The following DYDC2 variants were observed in gnomAD, a reference collection of about 807,000 sequenced individuals.
The protein encoded by DYDC2 is DPY30 domain-containing protein 2.
A neutral mutation model predicts 18.7 loss-of-function variants in DYDC2; 19 were observed. That is an observed-to-expected ratio of 1.02 (90% CI 0.71 to 1.49). The LOEUF (loss-of-function observed/expected upper bound fraction) is 1.49. Among genes scored for constraint, DYDC2 ranks in the 40% most tolerant of loss-of-function variants. The pLI, the probability that DYDC2 is intolerant of heterozygous loss-of-function variation, is 0.00. For missense variants in DYDC2, 179 were observed against 205.1 expected, an observed-to-expected ratio of 0.87 and a Z score of 0.78; for synonymous variants, 63 against 67.6, an observed-to-expected ratio of 0.93 and a Z score of 0.34.
At chr10:80,356,271 C>T (rs1843362558), upstream of DYDC2, 3 of 985,458 alleles carry the variant, frequency 3.0e-6, no homozygotes, top group Non-Finnish European at 3.6e-6. Flanking sequence ...CATCTTGGCT[C>T]AACATAAGAA....
chr10:80,345,162 A>G (rs1357584882), intron 1 of DYDC2, among the ~76,000 whole-genome samples: 1 of 152,232 alleles, frequency 6.6e-6, no homozygotes, highest in Non-Finnish European at 1.5e-5. Flanking sequence ...CAGTGTCAAC[A>G]GTGACCTTCA....
chr10:80,348,257 G>T (rs1842785627), intron 1 of DYDC2, among the ~76,000 whole-genome samples: 1 of 152,172 alleles, frequency 6.6e-6, no homozygotes. Context: ...TTTCGAGTAA[G>T]TTATTGGTAA....
intron 2 of DYDC2, among the ~76,000 whole-genome samples, chr10:80,359,569 TC>T (rs1196583572): frequency 3.3e-5 from 5 of 152,096 alleles, no homozygotes; most frequent in African/African-American, 1.2e-4. Flanking sequence ...TCAGGGAGGC[TC>T]CGACAGCACA....
Position 80,367,128 on chromosome 10 carries a change from A to G in DYDC2, c.*177A>G. ...ATTTGAACTAGTTATAGGATAAAATAAACTCAGAATAAGGATTTAAAATAA... is the reference window on the plus strand; with the variant it reads ...ATTTGAACTAGTTATAGGATAAAATGAACTCAGAATAAGGATTTAAAATAA... On this transcript the variant is annotated 3_prime_UTR_variant, in exon 5 of 5. Coordinates refer to ENST00000256039, the MANE Select transcript of DYDC2 (RefSeq NM_032372.6). 1.4e-6 allele frequency: 1 copy of G among 716,576 alleles called. No homozygotes were observed. Among genetic ancestry groups the G allele is most frequent in the South Asian group, 2.2e-5 (1 of 45,192 alleles). The allele number at this position is 716,576 out of a possible 1,614,324, so 44.4% of individuals were successfully genotyped here.
chr10:80,363,511 A>AGTTT lies in DYDC2; in HGVS notation c.270+438_270+439insGTTT, dbSNP rs35505876. Among the ~76,000 whole-genome samples the AGTTT allele has an allele frequency of 8.5e-5, 12 of 140,434 alleles. 1 individual carries two copies. Among genetic ancestry groups the AGTTT allele is most frequent in the Non-Finnish European group, 9.2e-5 (6 of 65,048 alleles). The allele number at this position is 140,434 out of a possible 152,430, so 92.1% of individuals were successfully genotyped here. On this transcript the variant is annotated intron_variant, in intron 4 of 4. Coordinates refer to ENST00000256039, the MANE Select transcript of DYDC2 (RefSeq NM_032372.6). ...AGGCACATGCCACCACGCCCGGCTA[A>AGTTT]TTTTTTTTTTTTTTTTTTAGTAGAG...
chr10:80,354,131 T>A (rs369191797), upstream of DYDC2, among the ~76,000 whole-genome samples: 602 of 129,458 alleles, frequency 4.7e-3, 3 homozygotes, highest in Non-Finnish European at 8.0e-3. Context: ...TAAAAAAAAA[T>A]ATATATATAT....
intron 1 of DYDC2, among the ~76,000 whole-genome samples, chr10:80,357,302 G>C (rs1843445464): frequency 6.6e-6 from 1 of 152,048 alleles, no homozygotes; most frequent in South Asian, 2.1e-4. Context: ...CACGCGGGAC[G>C]GGCGTGTGCT....
rs11202680 is a variant in DYDC2 at position 80,363,886 on chromosome 10, A to C, written c.270+813A>C. Among the ~76,000 whole-genome samples, 707 of 152,346 alleles carry C rather than the reference A, an allele frequency of 4.6e-3. 2 individuals are homozygous for C. The highest frequency in any genetic ancestry group is 0.016 in the African/African-American group (679 of 41,578). On this transcript the variant is annotated intron_variant, in intron 4 of 4. Transcript: ENST00000256039. ...GTTATAATATTAGATGTAAGTTATT[A>C]AGCTGGAATAGCCGAAGACAACTCT...
At chr10:80,358,475 C>T (rs1320164140) in intron 2 of DYDC2, among the ~76,000 whole-genome samples, 5 of 152,274 alleles carry the variant, frequency 3.3e-5, no homozygotes, top group South Asian at 4.1e-4. Flanking sequence ...CATATTTTAG[C>T]GACTGTTGGG....
At chr10:80,352,949 T>G (rs928053412), upstream of DYDC2, among the ~76,000 whole-genome samples, 3 of 152,128 alleles carry the variant, frequency 2.0e-5, no homozygotes, top group African/African-American at 7.2e-5. Flanking sequence ...AAAATGGGTA[T>G]CATCATCCCA....
At chr10:80,353,579 C>A (rs1843141086), upstream of DYDC2, among the ~76,000 whole-genome samples, 2 of 151,638 alleles carry the variant, frequency 1.3e-5, no homozygotes, top group Admixed American at 1.3e-4. Flanking sequence ...CGGCTGGGCA[C>A]AGTGGCTCAC....
intron 4 of DYDC2, among the ~76,000 whole-genome samples, chr10:80,364,675 G>C (rs1843772596): frequency 6.6e-6 from 1 of 152,128 alleles, no homozygotes; most frequent in African/African-American, 2.4e-5. Context: ...AGTTGTAAGG[G>C]AAGATGGGAA....
At chr10:80,345,259 G>A (rs1472201301) in intron 1 of DYDC2, among the ~76,000 whole-genome samples, 1 of 152,182 alleles carries the variant, frequency 6.6e-6, no homozygotes, top group African/African-American at 2.4e-5. Context: ...CCACACAGCA[G>A]TTCCATGGCT....
At chr10:80,358,840 C>T (rs559913110) in intron 2 of DYDC2, among the ~76,000 whole-genome samples, 11 of 152,228 alleles carry the variant, frequency 7.2e-5, no homozygotes, top group Admixed American at 2.0e-4. Context: ...TTCTTAAAGG[C>T]GGCGTGTCCA....
At chr10:80,358,723 C>G (rs557613363) in intron 2 of DYDC2, among the ~76,000 whole-genome samples, 1 of 152,254 alleles carries the variant, frequency 6.6e-6, no homozygotes, top group East Asian at 1.9e-4. Flanking sequence ...TGTGGTGGGA[C>G]CTGAGATTCT....
At chr10:80,357,422 C>T (rs1843452141) in intron 1 of DYDC2, among the ~76,000 whole-genome samples, 1 of 152,026 alleles carries the variant, frequency 6.6e-6, no homozygotes, top group African/African-American at 2.4e-5. Flanking sequence ...AGCAAGGGAC[C>T]CTGACTGGCA....
upstream of DYDC2, chr10:80,356,619 G>A: frequency 1.0e-6 from 1 of 985,526 alleles, no homozygotes; most frequent in Non-Finnish European, 1.2e-6. Context: ...CGACGCCCAA[G>A]GCCCAACGGT....
chr10:80,356,146 C>A, upstream of DYDC2: 1 of 697,744 alleles, frequency 1.4e-6, no homozygotes, highest in Non-Finnish European at 1.8e-6. Context: ...CTGGGCATAT[C>A]AGTGGGACCC....
At chr10:80,354,126 A>T (rs1843187967), upstream of DYDC2, among the ~76,000 whole-genome samples, 1 of 147,134 alleles carries the variant, frequency 6.8e-6, no homozygotes, top group Non-Finnish European at 1.5e-5. Context: ...ATATATAAAA[A>T]AAAATATATA....
Sources: gnomAD v4.1 joint callset for allele counts (sites outside exome capture counted in the v4.1 genomes callset) on GRCh38, gnomAD v4.1.1 for gene constraint, MANE v1.5 for transcripts, NCBI Gene and HGNC (gene_info 2026-07-23, HGNC 2026-07-21) for gene names.